The following MED13 variants were observed in gnomAD, a reference collection of about 807,000 sequenced individuals.
The protein encoded by MED13 is mediator of RNA polymerase II transcription subunit 13.
MED13 carries 23 observed loss-of-function variants against 225.2 expected under a neutral mutation model. That is an observed-to-expected ratio of 0.10 (90% CI 0.07 to 0.14). MED13 has a LOEUF of 0.14. Ranked by LOEUF, MED13 falls within the 10% of genes least tolerant of loss-of-function variation. The pLI is 1.00. For missense variants in MED13, 2,197 were observed against 2,594.5 expected (o/e 0.85, Z 3.33); for synonymous variants, 942 against 889.2 (o/e 1.06, Z -1.06).
chr17:62,021,841 C>A (rs1490207402), intron 8 of MED13, among the ~76,000 whole-genome samples: 8 of 152,092 alleles, frequency 5.3e-5, no homozygotes, highest in African/African-American at 1.9e-4. Flanking sequence ...TATTTCCTTC[C>A]CAGCACTCAT....
At chr17:62,058,815 C>T (rs1806115494) in intron 2 of MED13, among the ~76,000 whole-genome samples, 1 of 152,168 alleles carries the variant, frequency 6.6e-6, no homozygotes, top group African/African-American at 2.4e-5. Context: ...ACGGTATTGA[C>T]TTACTGCTAC....
chr17:62,047,776 G>C (rs1280329688), intron 3 of MED13, among the ~76,000 whole-genome samples: 1 of 151,592 alleles, frequency 6.6e-6, no homozygotes, highest in African/African-American at 2.4e-5. Context: ...GAGAGAGAGA[G>C]AGACGGGGGT....
chr17:61,963,486 T>C (rs2143359441), intron 20 of MED13, among the ~76,000 whole-genome samples: 1 of 152,214 alleles, frequency 6.6e-6, no homozygotes, highest in African/African-American at 2.4e-5. Flanking sequence ...ATATCTTTTT[T>C]TTGAGATGGG....
At chr17:61,953,145 T>C (rs1477115381) in intron 26 of MED13, 32 bp from the exon 27 acceptor site, 2 of 1,591,932 alleles carry the variant, frequency 1.3e-6, no homozygotes, top group African/African-American at 1.3e-5. Flanking sequence ...AATTTAAAAC[T>C]CCATTTTCCA....
Position 61,953,761 on chromosome 17 carries a change from T to C in MED13, c.5969-648A>G, listed in dbSNP as rs2079916703. Among the ~76,000 whole-genome samples, 5 of 152,296 alleles carry C rather than the reference T, an allele frequency of 3.3e-5. No individual in the cohort carries two copies. In the South Asian group the frequency reaches 1.0e-3, roughly 32 times the overall value. On this transcript the variant is annotated intron_variant, in intron 26 of 29. Transcript: ENST00000397786. ...GTGTAGTACTTTGTTAGAGCAGCAA[T>C]AGGAAACTAATACAAAGCAAACATA...
At chr17:61,953,748 G>C (rs1464403085) in intron 26 of MED13, among the ~76,000 whole-genome samples, 1 of 152,216 alleles carries the variant, frequency 6.6e-6, no homozygotes, top group Admixed American at 6.5e-5. Context: ...GTAGTACTTT[G>C]TTAGAGCAGC....
chr17:62,015,950 ATATATTTTTTTTT>A (rs1427767354), intron 8 of MED13, among the ~76,000 whole-genome samples: 2 of 13,774 alleles, frequency 1.5e-4, no homozygotes, highest in African/African-American at 5.5e-4. Flanking sequence ...ATATATATAT[ATATATTTTTTTTT>A]TTTTTTTTTT....
chr17:61,972,499 T>A (rs370050078), intron 17 of MED13, among the ~76,000 whole-genome samples: 1 of 152,072 alleles, frequency 6.6e-6, no homozygotes, highest in African/African-American at 2.4e-5. Context: ...AAGCCCCCTA[T>A]GTGTAAGAAC....
chr17:61,988,060 T>C (rs971330427), intron 11 of MED13, among the ~76,000 whole-genome samples: 1 of 152,092 alleles, frequency 6.6e-6, no homozygotes, highest in Non-Finnish European at 1.5e-5. Context: ...TCTATCTTTC[T>C]GAAATGTAAA....
At chr17:62,048,051 T>C (rs868838810) in intron 3 of MED13, among the ~76,000 whole-genome samples, 4 of 144,814 alleles carry the variant, frequency 2.8e-5, no homozygotes, top group African/African-American at 7.5e-5. Context: ...TACATATATA[T>C]ATATATATAT....
chr17:61,971,778 A>G (rs1351387696), intron 17 of MED13, among the ~76,000 whole-genome samples: 1 of 151,918 alleles, frequency 6.6e-6, no homozygotes, highest in Non-Finnish European at 1.5e-5. Flanking sequence ...TACTAAAAGT[A>G]AAAAAATGAG....
chr17:61,989,789 T>A (rs547830769), intron 11 of MED13, among the ~76,000 whole-genome samples: 1 of 152,372 alleles, frequency 6.6e-6, no homozygotes, highest in South Asian at 2.1e-4. Context: ...GACTTTCAAA[T>A]CAGGTAGTGT....
chr17:62,004,434 CCT>C (rs2080426178), intron 9 of MED13: 1 of 152,144 alleles, frequency 6.6e-6, no homozygotes, highest in Non-Finnish European at 1.5e-5. Context: ...GAAAATCTTC[CCT>C]GAGAAGATAA....
In MED13 at chr17:62,010,972, A is replaced by C. The variant is rs1236398090; in HGVS notation, c.1545T>G (p.Asp515Glu). The C allele has an allele frequency of 3.7e-5, 60 of 1,613,356 alleles. 1 individual carries two copies. Among genetic ancestry groups the C allele is most frequent in the Middle Eastern group, 1.6e-4 (1 of 6,082 alleles). ...QVRFSNIRTN[D>E]VAKTPQMHGT... ...CATGCATCTGAGGAGTCTTTGCTAC[A>C]TCATTAGTTCGGATATTTGAAAATC... The change falls in exon 9 of 30, where the codon GAT becomes GAG. Residue 515 changes from aspartate (D) to glutamate (E), a missense_variant. This residue lies in a region of MED13 where 884 missense variants were observed against 918.5 expected (regional missense o/e 0.96). Transcript: ENST00000397786.
At chr17:62,030,043 G>A (rs1567988924) in intron 6 of MED13, 30 bp from the exon 7 acceptor site, 1 of 1,463,556 alleles carries the variant, frequency 6.8e-7, no homozygotes. Context: ...ACAGGCTGTA[G>A]GAGAATAAAG....
At chr17:62,064,278 A>G (rs2143794453) in intron 1 of MED13, among the ~76,000 whole-genome samples, 1 of 152,352 alleles carries the variant, frequency 6.6e-6, no homozygotes, top group Admixed American at 6.5e-5. Flanking sequence ...GTTATTTGCA[A>G]CAGTTGGTAC....
At chr17:62,028,390 T>C (rs2080722451) in intron 8 of MED13, among the ~76,000 whole-genome samples, 1 of 152,086 alleles carries the variant, frequency 6.6e-6, no homozygotes, top group East Asian at 1.9e-4. Context: ...TGGGGTCTAC[T>C]TGAGGGTGGA....
rs1406293088 is a variant in MED13 at position 61,946,262 on chromosome 17, G to A, written c.*206C>T. 8 of 517,004 alleles carry A rather than the reference G, an allele frequency of 1.5e-5. No individual in the cohort carries two copies. In the Middle Eastern group the frequency reaches 2.5e-3, roughly 164 times the overall value. 32.0% of individuals were successfully genotyped at this position (517,004 alleles called of 1,614,324 possible). ...TGTTATAATACGTTTTGTATGATCA[G>A]TCATCATCCTAAAGAGTTCAATAGA... On this transcript the variant is annotated 3_prime_UTR_variant, in exon 30 of 30. Transcript: ENST00000397786.
chr17:61,972,237 T>C (rs1358797177), intron 17 of MED13, among the ~76,000 whole-genome samples: 1 of 152,156 alleles, frequency 6.6e-6, no homozygotes, highest in African/African-American at 2.4e-5. Flanking sequence ...TCATCACAGC[T>C]GACAATAAAT....
Sources: allele counts gnomAD v4.1 joint callset (sites outside exome capture counted in the v4.1 genomes callset), GRCh38; gene constraint gnomAD v4.1.1; regional missense constraint gnomAD v4.1.1; transcripts MANE v1.5; gene names NCBI Gene and HGNC (gene_info 2026-07-23, HGNC 2026-07-21).